NRG1: variants seen among roughly 807,000 people sequenced by gnomAD.
NRG1 encodes the protein pro-neuregulin-1, membrane-bound isoform.
A neutral mutation model predicts 63.8 loss-of-function variants in NRG1; 18 were observed. The observed-to-expected ratio is 0.28, with a 90% CI of 0.19 to 0.42. The LOEUF (loss-of-function observed/expected upper bound fraction) is 0.42. NRG1 is among the 10% of genes least tolerant of loss of function. NRG1 has a pLI of 1.00. For synonymous variants in NRG1, 302 were observed against 301.3 expected (o/e 1.00, Z -0.02); for missense variants, 762 against 814.7 (o/e 0.94, Z 0.79).
At chr8:32,266,852 A>C (rs1446555593) in intron 1 of NRG1, among the ~76,000 whole-genome samples, 2 of 146,314 alleles carry the variant, frequency 1.4e-5, no homozygotes, top group African/African-American at 5.1e-5. Context: ...TGGCTAACCC[A>C]GTAAAACCAC....
chr8:32,756,491 C>T (rs76599953), exon 9 of NRG1: 1 of 1,613,390 alleles, frequency 6.2e-7, no homozygotes, highest in Non-Finnish European at 8.5e-7. Context: ...TGGGCCTCAC[C>T]ATCCTAACCC....
At chr8:32,702,301 A>G (rs1815120740) in intron 5 of NRG1, among the ~76,000 whole-genome samples, 1 of 152,204 alleles carries the variant, frequency 6.6e-6, no homozygotes, top group South Asian at 2.1e-4. Flanking sequence ...TTTTCTTCTA[A>G]AAGGCTATGT....
chr8:31,839,623 G>A (rs1377484263), intron 1 of NRG1, among the ~76,000 whole-genome samples: 1 of 152,100 alleles, frequency 6.6e-6, no homozygotes, highest in East Asian at 1.9e-4. Flanking sequence ...GTTTTATGTT[G>A]CAAAGTAGCC....
chr8:32,175,417 G>T (rs1382760507), intron 1 of NRG1, among the ~76,000 whole-genome samples: 1 of 152,126 alleles, frequency 6.6e-6, no homozygotes, highest in African/African-American at 2.4e-5. Context: ...TTTGAAAACT[G>T]GCACAAGACA....
chr8:32,355,808 G>A (rs1806306922), intron 1 of NRG1, among the ~76,000 whole-genome samples: 1 of 152,090 alleles, frequency 6.6e-6, no homozygotes, highest in Non-Finnish European at 1.5e-5. Flanking sequence ...CAATGGACTT[G>A]TAGTACGGTA....
At chr8:32,455,556 A>G (rs1821494854) in intron 1 of NRG1, among the ~76,000 whole-genome samples, 1 of 152,230 alleles carries the variant, frequency 6.6e-6, no homozygotes, top group Non-Finnish European at 1.5e-5. Flanking sequence ...TCAAAACAAC[A>G]GTATAGCAGG....
rs550579771 is a variant in NRG1, at chr8:32,433,420, C to CTAA, written c.38-162406_38-162404dup. Among the ~76,000 whole-genome samples, 6 of 152,214 alleles carry CTAA rather than the reference C, an allele frequency of 3.9e-5. No individual in the cohort carries two copies. The South Asian group carries it at 1.2e-3, about 32-fold the overall frequency. On this transcript the variant is annotated intron_variant, in intron 1 of 10. Coordinates refer to the NRG1 transcript ENST00000519301. ...TCTGTGGAAACTATTAGAAACCGAG[C>CTAA]TAATTGTGGACTTCTTAGCATGCCT...
At chr8:31,967,095 G>A (rs956902015) in intron 1 of NRG1, among the ~76,000 whole-genome samples, 1 of 152,122 alleles carries the variant, frequency 6.6e-6, no homozygotes, top group Non-Finnish European at 1.5e-5. Context: ...AGCCCTGGGA[G>A]TGTATTGAAA....
At chr8:31,759,389 AT>A (rs1235150773) in intron 1 of NRG1, among the ~76,000 whole-genome samples, 2 of 152,120 alleles carry the variant, frequency 1.3e-5, no homozygotes, top group Non-Finnish European at 2.9e-5. Flanking sequence ...TATGGCTTAT[AT>A]AATCCATCTC....
chr8:31,760,868 T>G (rs1217725272), intron 1 of NRG1, among the ~76,000 whole-genome samples: 1 of 152,088 alleles, frequency 6.6e-6, no homozygotes, highest in Admixed American at 6.6e-5. Flanking sequence ...TGTAAACTAG[T>G]TCAACCATTG....
intron 5 of NRG1, among the ~76,000 whole-genome samples, chr8:32,667,763 A>G (rs944523041): frequency 4.6e-5 from 7 of 152,102 alleles, no homozygotes; most frequent in Non-Finnish European, 8.8e-5. Context: ...TGGCTGATTG[A>G]CTTTGATTAC....
chr8:32,754,604 T>A, intron 8 of NRG1, 130 bp downstream of exon 8: 1 of 769,926 alleles, frequency 1.3e-6, no homozygotes. Flanking sequence ...CAGGGGGAGA[T>A]TATTTCCTCT....
At chr8:32,652,519 G>C (rs1855347905) in intron 5 of NRG1, among the ~76,000 whole-genome samples, 2 of 151,562 alleles carry the variant, frequency 1.3e-5, no homozygotes, top group Admixed American at 1.3e-4. Flanking sequence ...ATTATGTATT[G>C]ACTCTTTTTT....
intron 1 of NRG1, among the ~76,000 whole-genome samples, chr8:32,004,211 C>T (rs1026530166): frequency 1.3e-5 from 2 of 151,696 alleles, no homozygotes; most frequent in East Asian, 2.0e-4. Flanking sequence ...CAGTGGTTGT[C>T]AAGGATTCAG....
intron 1 of NRG1, among the ~76,000 whole-genome samples, chr8:32,577,185 G>T (rs1461711177): frequency 6.6e-6 from 1 of 152,194 alleles, no homozygotes; most frequent in African/African-American, 2.4e-5. Flanking sequence ...ATATTCCACA[G>T]TGTGTATATA....
intron 1 of NRG1, among the ~76,000 whole-genome samples, chr8:31,848,060 T>A (rs921810003): frequency 6.6e-6 from 1 of 152,162 alleles, no homozygotes; most frequent in African/African-American, 2.4e-5. Context: ...AATTTTAAAC[T>A]TTAGATACAC....
chr8:31,951,048 A>T (rs1433520138), intron 1 of NRG1, among the ~76,000 whole-genome samples: 1 of 152,150 alleles, frequency 6.6e-6, no homozygotes, highest in Non-Finnish European at 1.5e-5. Context: ...TCATGGTCAT[A>T]TTTCGCTCAT....
intron 1 of NRG1, among the ~76,000 whole-genome samples, chr8:32,011,340 T>A (rs327325): frequency 0.69 from 105,542 of 151,890 alleles, 37,259 homozygotes; most frequent in Middle Eastern, 0.79. Context: ...TTCAAGAGGC[T>A]GGTTCCATTT....
chr8:32,404,924 C>A (rs2129484902), intron 1 of NRG1, among the ~76,000 whole-genome samples: 1 of 152,268 alleles, frequency 6.6e-6, no homozygotes, highest in African/African-American at 2.4e-5. Flanking sequence ...TTCGCTGTGG[C>A]TGGGGACATG....
Sources: allele counts gnomAD v4.1 joint callset (sites outside exome capture counted in the v4.1 genomes callset), GRCh38; gene constraint gnomAD v4.1.1; transcripts MANE v1.5; gene names NCBI Gene and HGNC (gene_info 2026-07-23, HGNC 2026-07-21).